Variants in MEF2A observed in about 807,000 individuals in gnomAD.
MEF2A encodes the protein myocyte enhancer factor 2A.
A neutral mutation model predicts 55.8 loss-of-function variants in MEF2A; 28 were observed. The observed-to-expected ratio is 0.50, with a 90% CI of 0.37 to 0.69. MEF2A has a LOEUF of 0.69. Ranked by LOEUF, MEF2A falls within the 30% of genes least tolerant of loss-of-function variation. MEF2A has a pLI of 0.00. For synonymous variants in MEF2A, 239 were observed against 227.1 expected (o/e 1.05, Z -0.47); for missense variants, 528 against 626.2 (o/e 0.84, Z 1.67).
At chr15:99,593,817 A>G (rs1970187470) in intron 1 of MEF2A, among the ~76,000 whole-genome samples, 1 of 152,234 alleles carries the variant, frequency 6.6e-6, no homozygotes, top group Non-Finnish European at 1.5e-5. Context: ...GATATTCAAC[A>G]TTTAAATGTC....
At chr15:99,683,076 C>T (rs911958731) in intron 7 of MEF2A, among the ~76,000 whole-genome samples, 1 of 152,106 alleles carries the variant, frequency 6.6e-6, no homozygotes, top group African/African-American at 2.4e-5. Context: ...TAGCGGTTAC[C>T]TCTGTCCAAG....
intron 9 of MEF2A, among the ~76,000 whole-genome samples, chr15:99,704,036 G>C (rs1360045696): frequency 6.6e-6 from 1 of 152,210 alleles, no homozygotes; most frequent in Non-Finnish European, 1.5e-5. Context: ...GCAGCTTGCA[G>C]TTGATCTATT....
intron 4 of MEF2A, among the ~76,000 whole-genome samples, chr15:99,661,080 C>G (rs2048539712): frequency 6.6e-6 from 1 of 152,118 alleles, no homozygotes; most frequent in Non-Finnish European, 1.5e-5. Flanking sequence ...AGCTCAGAAA[C>G]AGGACCATGC....
At chr15:99,597,180 A>G (rs1158831842) in intron 1 of MEF2A, among the ~76,000 whole-genome samples, 1 of 152,180 alleles carries the variant, frequency 6.6e-6, no homozygotes, top group African/African-American at 2.4e-5. Flanking sequence ...ACAGAGCCAT[A>G]TTTCTCTTCT....
At position 99,713,902 on chromosome 15, in the gene MEF2A, T is replaced by A. The variant is rs1000446862; in HGVS notation, c.*1131T>A. ...CTTTGATGTAAGTACCTATGTATTG[T>A]ATGGTCACCAGATTAAAAAGTATAT... On this transcript the variant is annotated 3_prime_UTR_variant, in exon 12 of 12. Transcript: ENST00000557942. The A allele has an allele frequency of 3.9e-5, 6 of 152,242 alleles. No homozygotes were observed. Among genetic ancestry groups the A allele is most frequent in the African/African-American group, 1.4e-4 (6 of 41,472 alleles). The allele number at this position is 152,242 out of a possible 1,614,324, so 9.4% of individuals were successfully genotyped here. A position where few individuals can be genotyped will look rare whatever the true frequency, so the allele number is the denominator to read the frequency against.
Position 99,596,826 on chromosome 15 carries a change from A to T in MEF2A, c.-224-1604A>T, listed in dbSNP as rs573888372. Among the ~76,000 whole-genome samples the T allele has an allele frequency of 1.6e-4, 24 of 152,316 alleles. 1 individual carries two copies. In the South Asian group the frequency reaches 3.3e-3, roughly 21 times the overall value. On this transcript the variant is annotated intron_variant, in intron 1 of 11. Transcript: ENST00000557942. ...GCACCTAATCCATTGAGCAGTGTTC[A>T]CTAGTTGTTGCGAGAAGTCAGGGAC...
chr15:99,679,601 G>A (rs566839363), intron 7 of MEF2A, among the ~76,000 whole-genome samples: 1 of 152,290 alleles, frequency 6.6e-6, no homozygotes, highest in South Asian at 2.1e-4. Context: ...TGGTTACTTT[G>A]GGTAGGTGGG....
At chr15:99,623,806 T>G (rs933920385) in intron 2 of MEF2A, among the ~76,000 whole-genome samples, 70 of 140,608 alleles carry the variant, frequency 5.0e-4, no homozygotes, top group Non-Finnish European at 9.5e-4. Flanking sequence ...TGATCTGCCG[T>G]TTTTTTTTTT....
At chr15:99,623,128 A>G (rs778681948) in intron 2 of MEF2A, among the ~76,000 whole-genome samples, 2 of 152,034 alleles carry the variant, frequency 1.3e-5, no homozygotes, top group Non-Finnish European at 2.9e-5. Flanking sequence ...TGACTACTTT[A>G]CGTACTTCAT....
intron 2 of MEF2A, among the ~76,000 whole-genome samples, chr15:99,626,799 T>A (rs1025802957): frequency 1.3e-5 from 2 of 152,200 alleles, no homozygotes; most frequent in East Asian, 3.8e-4. Flanking sequence ...CTTATTATTT[T>A]CTACATTTTA....
At chr15:99,667,459 G>A (rs1292678913) in intron 4 of MEF2A, among the ~76,000 whole-genome samples, 8 of 152,122 alleles carry the variant, frequency 5.3e-5, no homozygotes, top group African/African-American at 1.4e-4. Flanking sequence ...TCCTGACCTC[G>A]TGATCCGCCC....
chr15:99,664,619 G>A (rs191263250), intron 4 of MEF2A, among the ~76,000 whole-genome samples: 1 of 152,292 alleles, frequency 6.6e-6, no homozygotes, highest in Admixed American at 6.5e-5. Flanking sequence ...TGAGTATGGG[G>A]ACAGTAGAAA....
chr15:99,663,070 C>T (rs781146924), intron 4 of MEF2A, among the ~76,000 whole-genome samples: 2 of 151,812 alleles, frequency 1.3e-5, no homozygotes, highest in Non-Finnish European at 2.9e-5. Context: ...TAAAGTTGAG[C>T]GTATGTTAAT....
chr15:99,641,271 C>A (rs1234291398), intron 3 of MEF2A, among the ~76,000 whole-genome samples: 1 of 152,152 alleles, frequency 6.6e-6, no homozygotes, highest in Non-Finnish European at 1.5e-5. Flanking sequence ...GTCTTCAACT[C>A]CTATCTCCAG....
intron 7 of MEF2A, among the ~76,000 whole-genome samples, chr15:99,687,084 C>CTTTTTTTTT (rs71149484): frequency 4.0e-4 from 27 of 67,762 alleles, no homozygotes; most frequent in African/African-American, 4.6e-4. Context: ...ATTAATTTTT[C>CTTTTTTTTT]TTTTTTTTTT....
chr15:99,708,613 T>C (rs2058291254), intron 10 of MEF2A, among the ~76,000 whole-genome samples: 2 of 152,242 alleles, frequency 1.3e-5, no homozygotes, highest in Admixed American at 1.3e-4. Flanking sequence ...TTTTAACTTA[T>C]TTCCACATCT....
At chr15:99,576,488 A>G (rs1039837121) in intron 1 of MEF2A, among the ~76,000 whole-genome samples, 11 of 152,056 alleles carry the variant, frequency 7.2e-5, no homozygotes, top group African/African-American at 2.4e-4. Context: ...ACCCAACATT[A>G]TTTTTATTAC....
chr15:99,600,164 C>T (rs1972500729), intron 2 of MEF2A, among the ~76,000 whole-genome samples: 1 of 152,146 alleles, frequency 6.6e-6, no homozygotes, highest in African/African-American at 2.4e-5. Flanking sequence ...GAACTCTGTA[C>T]TTTCTCTGAA....
At chr15:99,636,302 A>G (rs1435776562) in intron 3 of MEF2A, among the ~76,000 whole-genome samples, 1 of 152,174 alleles carries the variant, frequency 6.6e-6, no homozygotes, top group Non-Finnish European at 1.5e-5. Context: ...GATATGCATT[A>G]TAAATATTAG....
Sources: allele counts gnomAD v4.1 joint callset (sites outside exome capture counted in the v4.1 genomes callset), GRCh38; gene constraint gnomAD v4.1.1; transcripts MANE v1.5; gene names NCBI Gene and HGNC (gene_info 2026-07-23, HGNC 2026-07-21).